The following PPM1L variants were observed in gnomAD, a reference collection of about 807,000 sequenced individuals.
PPM1L encodes protein phosphatase 1L.
Under a neutral mutation model 31.4 loss-of-function variants are expected in PPM1L, and 13 were observed. That is an observed-to-expected ratio of 0.41 (90% confidence interval 0.27 to 0.66). PPM1L has a LOEUF of 0.66. PPM1L is among the 30% of genes least tolerant of loss of function. The pLI, the probability that PPM1L is intolerant of heterozygous loss-of-function variation, is 0.29. For missense variants in PPM1L, 326 were observed against 453.7 expected, an observed-to-expected ratio of 0.72 and a Z score of 2.56; for synonymous variants, 184 against 175.4, an observed-to-expected ratio of 1.05 and a Z score of -0.39.
intron 1 of PPM1L, among the ~76,000 whole-genome samples, chr3:160,846,220 G>A (rs2108109004): frequency 6.6e-6 from 1 of 152,130 alleles, no homozygotes; most frequent in African/African-American, 2.4e-5. Context: ...AAGTCTTTTT[G>A]TCTGGATCTT....
At chr3:160,821,488 A>G (rs1713201227) in intron 1 of PPM1L, among the ~76,000 whole-genome samples, 1 of 152,100 alleles carries the variant, frequency 6.6e-6, no homozygotes, top group Admixed American at 6.6e-5. Context: ...AAATATTTGA[A>G]GCAATGGATT....
chr3:160,982,328 T>C (rs1224650823), intron 2 of PPM1L, among the ~76,000 whole-genome samples: 1 of 152,192 alleles, frequency 6.6e-6, no homozygotes, highest in Admixed American at 6.5e-5. Context: ...TCTCGACAGC[T>C]TTGAAATTTC....
intron 1 of PPM1L, among the ~76,000 whole-genome samples, chr3:160,860,096 TAGA>T (rs1356257706): frequency 1.3e-5 from 2 of 152,182 alleles, no homozygotes; most frequent in Admixed American, 1.3e-4. Flanking sequence ...TGGTGATTTG[TAGA>T]AGAAGCAACA....
At chr3:160,786,185 G>GTATATATATATATATA (rs1576636916) in intron 1 of PPM1L, among the ~76,000 whole-genome samples, 1 of 62,558 alleles carries the variant, frequency 1.6e-5, no homozygotes, top group African/African-American at 1.1e-4. Context: ...GTGTGTGTGT[G>GTATATATATATATATA]TGTATATATA....
chr3:160,893,507 A>G (rs374114546), intron 1 of PPM1L, among the ~76,000 whole-genome samples: 166 of 152,268 alleles, frequency 1.1e-3, no homozygotes, highest in African/African-American at 3.8e-3. Context: ...TCCAGATGTC[A>G]AAATATGAAG....
At chr3:161,021,310 A>C (rs779398405) in intron 2 of PPM1L, among the ~76,000 whole-genome samples, 9 of 151,892 alleles carry the variant, frequency 5.9e-5, no homozygotes, top group Non-Finnish European at 1.3e-4. Flanking sequence ...GATTGTGTTC[A>C]TGACTTCTTT....
intron 1 of PPM1L, among the ~76,000 whole-genome samples, chr3:160,851,508 G>A (rs952125432): frequency 6.6e-6 from 1 of 152,164 alleles, no homozygotes; most frequent in Admixed American, 6.5e-5. Context: ...TCTAGTTGAG[G>A]TAAATTATTC....
At chr3:160,951,853 T>C (rs1715585208) in intron 1 of PPM1L, among the ~76,000 whole-genome samples, 1 of 152,214 alleles carries the variant, frequency 6.6e-6, no homozygotes, top group Non-Finnish European at 1.5e-5. Context: ...TTATGCCCTC[T>C]GTGGTAGTCG....
chr3:160,885,248 C>T (rs1712872965), intron 1 of PPM1L, among the ~76,000 whole-genome samples: 1 of 151,920 alleles, frequency 6.6e-6, no homozygotes, highest in Non-Finnish European at 1.5e-5. Flanking sequence ...GGTAAGAAAA[C>T]CTTTTTTAAA....
At chr3:160,938,624 A>G (rs770319179) in intron 1 of PPM1L, among the ~76,000 whole-genome samples, 29 of 152,194 alleles carry the variant, frequency 1.9e-4, no homozygotes, top group Non-Finnish European at 3.7e-4. Flanking sequence ...GAAATAAATA[A>G]CTAAAATTTA....
intron 1 of PPM1L, among the ~76,000 whole-genome samples, chr3:160,757,729 C>T (rs1234165944): frequency 6.6e-6 from 1 of 152,208 alleles, no homozygotes; most frequent in East Asian, 1.9e-4. Flanking sequence ...TCTTTGTTTT[C>T]CCTTTTGGCA....
At position 160,919,515 on chromosome 3, in the gene PPM1L, G is replaced by A. The variant is rs114061011; in HGVS notation, c.400-42221G>A. The stretch of plus-strand genomic sequence containing the variant: ...AGTACCTGGTAGGCTGATGGATGGA[G>A]GAAGGCTCTTGGAGCGAGAGAGGAC... On this transcript the variant is annotated intron_variant, in intron 1 of 3. Coordinates refer to ENST00000498165, the MANE Select transcript of PPM1L (RefSeq NM_139245.4). Among the ~76,000 whole-genome samples the A allele has an allele frequency of 9.8e-3, 1,493 of 152,298 alleles. 16 individuals carry two copies. Among genetic ancestry groups the A allele is most frequent in the Non-Finnish European group, 0.013 (918 of 68,024 alleles).
chr3:161,020,947 T>G (rs1260368102), intron 2 of PPM1L, among the ~76,000 whole-genome samples: 1 of 152,080 alleles, frequency 6.6e-6, no homozygotes, highest in African/African-American at 2.4e-5. Context: ...AATCTGAGTC[T>G]TCTCCCCTTT....
intron 1 of PPM1L, among the ~76,000 whole-genome samples, chr3:160,936,661 T>G (rs945955325): frequency 6.6e-6 from 1 of 152,214 alleles, no homozygotes; most frequent in African/African-American, 2.4e-5. Flanking sequence ...AAAACAACCT[T>G]AAATATGAAG....
intron 2 of PPM1L, among the ~76,000 whole-genome samples, chr3:161,016,212 G>GT (rs1394531118): frequency 1.3e-5 from 2 of 151,938 alleles, no homozygotes; most frequent in Admixed American, 6.6e-5. Context: ...TAGGCAACTG[G>GT]TAAAAAAAAA....
intron 1 of PPM1L, chr3:160,842,269 C>T (rs1713906939): frequency 1.4e-6 from 1 of 702,352 alleles, no homozygotes. Context: ...AGGGCTAGAC[C>T]AGAACATGCC....
chr3:160,835,067 C>CTTG (rs1560120539), intron 1 of PPM1L, among the ~76,000 whole-genome samples: 1 of 148,876 alleles, frequency 6.7e-6, no homozygotes, highest in Admixed American at 6.7e-5. Flanking sequence ...TCTTCTTCTT[C>CTTG]TTCTTCTTCT....
At chr3:161,012,022 C>T (rs890763016) in intron 2 of PPM1L, among the ~76,000 whole-genome samples, 3 of 152,124 alleles carry the variant, frequency 2.0e-5, no homozygotes, top group African/African-American at 4.8e-5. Flanking sequence ...TTTCTCCTGC[C>T]TAATTGCCCT....
chr3:161,059,457 C>A (rs1476544735), intron 2 of PPM1L, among the ~76,000 whole-genome samples: 1 of 152,060 alleles, frequency 6.6e-6, no homozygotes, highest in African/African-American at 2.4e-5. Flanking sequence ...ATGGTGTTGT[C>A]CATTGTGTAC....
Sources: allele counts gnomAD v4.1 joint callset (sites outside exome capture counted in the v4.1 genomes callset), GRCh38; gene constraint gnomAD v4.1.1; transcripts MANE v1.5; gene names NCBI Gene and HGNC (gene_info 2026-07-23, HGNC 2026-07-21).